The following NRXN1 variants were observed in gnomAD, a reference collection of about 807,000 sequenced individuals.
NRXN1 encodes neurexin 1.
A neutral mutation model predicts 150.9 loss-of-function variants in NRXN1; 39 were observed. The observed-to-expected ratio is 0.26, with a 90% CI of 0.20 to 0.34. NRXN1 has a LOEUF of 0.34. Ranked by LOEUF, NRXN1 falls within the 10% of genes least tolerant of loss-of-function variation. NRXN1 has a pLI of 1.00. For missense variants in NRXN1, 1,815 were observed against 1,949.9 expected (o/e 0.93, Z 1.30); for synonymous variants, 924 against 757.0 (o/e 1.22, Z -3.62).
At chr2:50,486,087 G>C (rs1191638636) in intron 15 of NRXN1, among the ~76,000 whole-genome samples, 3 of 152,008 alleles carry the variant, frequency 2.0e-5, no homozygotes, top group Non-Finnish European at 2.9e-5. Context: ...TCAGTACGTG[G>C]TACAAAACCT....
intron 18 of NRXN1, among the ~76,000 whole-genome samples, chr2:50,233,338 C>T (rs2065133956): frequency 6.6e-6 from 1 of 151,938 alleles, no homozygotes; most frequent in Non-Finnish European, 1.5e-5. Context: ...ACTGGGCCAC[C>T]TGACTCAAAA....
chr2:50,545,163 AG>A (rs1179530000), intron 9 of NRXN1, among the ~76,000 whole-genome samples: 1 of 152,170 alleles, frequency 6.6e-6, no homozygotes, highest in Non-Finnish European at 1.5e-5. Context: ...TCACTTAGCT[AG>A]TTTTTGAATT....
intron 17 of NRXN1, among the ~76,000 whole-genome samples, chr2:50,365,951 G>A (rs1318726572): frequency 1.3e-5 from 2 of 151,972 alleles, no homozygotes; most frequent in African/African-American, 4.8e-5. Context: ...ACGACTGCAG[G>A]TCTGTAGCCA....
At chr2:50,534,270 C>T (rs781566329) in intron 10 of NRXN1, among the ~76,000 whole-genome samples, 1 of 152,140 alleles carries the variant, frequency 6.6e-6, no homozygotes, top group Non-Finnish European at 1.5e-5. Flanking sequence ...ATAAGGTCCA[C>T]TTTGAAGGCC....
intron 18 of NRXN1, among the ~76,000 whole-genome samples, chr2:50,132,628 C>T (rs1211507099): frequency 1.3e-5 from 2 of 151,886 alleles, no homozygotes; most frequent in Non-Finnish European, 2.9e-5. Context: ...TTTAAAATGA[C>T]TTTTTTGATG....
chr2:50,006,294 C>T (rs569283215), intron 21 of NRXN1, among the ~76,000 whole-genome samples: 60 of 152,214 alleles, frequency 3.9e-4, no homozygotes, highest in Non-Finnish European at 5.1e-4. Flanking sequence ...TTAGCTATTG[C>T]TCAGCTTCTA....
chr2:50,128,992 A>G (rs962875409), intron 18 of NRXN1, among the ~76,000 whole-genome samples: 17 of 149,740 alleles, frequency 1.1e-4, no homozygotes, highest in East Asian at 5.9e-4. Flanking sequence ...TCAATAAATA[A>G]ATAAATAAAT....
rs186878859 is a variant in NRXN1 at position 50,598,031 on chromosome 2, C to T, written c.1320+21991G>A. ...GCAGGCACCTGTAATCCCAGCTACTCGGGAGGCTGAGGCAGGAGAATTGCT... is the reference window on the plus strand; with the variant it reads ...GCAGGCACCTGTAATCCCAGCTACTTGGGAGGCTGAGGCAGGAGAATTGCT... On this transcript the variant is annotated intron_variant, in intron 8 of 22. Transcript: ENST00000401669. Among the ~76,000 whole-genome samples the T allele has an allele frequency of 2.1e-3, 321 of 151,918 alleles. 1 individual carries two copies. Among genetic ancestry groups the T allele is most frequent in the South Asian group, 7.3e-3 (35 of 4,814 alleles).
intron 17 of NRXN1, among the ~76,000 whole-genome samples, chr2:50,458,638 G>A (rs1486619828): frequency 6.7e-6 from 1 of 150,328 alleles, no homozygotes; most frequent in Non-Finnish European, 1.5e-5. Flanking sequence ...GGAGTGCAAT[G>A]GCACAATCTT....
At chr2:50,927,858 G>C (rs764585914) in intron 2 of NRXN1, among the ~76,000 whole-genome samples, 1 of 151,810 alleles carries the variant, frequency 6.6e-6, no homozygotes, top group Non-Finnish European at 1.5e-5. Context: ...TTTTGGTAAA[G>C]TGTGGCCTAA....
chr2:50,182,638 AACCT>A, intron 18 of NRXN1, among the ~76,000 whole-genome samples: 1 of 152,128 alleles, frequency 6.6e-6, no homozygotes, highest in Admixed American at 6.6e-5. Flanking sequence ...GTTGTCTTAA[AACCT>A]GCTCATTCCT....
At chr2:50,481,790 G>T (rs558353253) in intron 15 of NRXN1, among the ~76,000 whole-genome samples, 13 of 60,642 alleles carry the variant, frequency 2.1e-4, no homozygotes, top group Middle Eastern at 0.014. Flanking sequence ...TTTTGAGACG[G>T]AGTCTCGCTC....
intron 21 of NRXN1, among the ~76,000 whole-genome samples, chr2:49,967,984 C>T (rs1205682256): frequency 6.6e-6 from 1 of 151,926 alleles, no homozygotes; most frequent in Non-Finnish European, 1.5e-5. Context: ...TTTTAAGCTG[C>T]TTACTGAGAA....
At chr2:50,887,616 C>A (rs1227673538) in intron 5 of NRXN1, among the ~76,000 whole-genome samples, 2 of 151,426 alleles carry the variant, frequency 1.3e-5, no homozygotes, top group African/African-American at 4.8e-5. Context: ...GTCTATGAGT[C>A]AAAATGATGA....
At chr2:50,511,265 C>T (rs536475836) in intron 12 of NRXN1, among the ~76,000 whole-genome samples, 3 of 152,154 alleles carry the variant, frequency 2.0e-5, no homozygotes, top group East Asian at 1.9e-4. Flanking sequence ...TCACCATGTT[C>T]GAGGCCAGTC....
intron 5 of NRXN1, among the ~76,000 whole-genome samples, chr2:50,835,673 A>G (rs2105906299): frequency 6.6e-6 from 1 of 152,336 alleles, no homozygotes; most frequent in Non-Finnish European, 1.5e-5. Flanking sequence ...ATGAATAATA[A>G]TTCTTCAAAA....
intron 17 of NRXN1, among the ~76,000 whole-genome samples, chr2:50,380,297 CGT>C (rs368834622): frequency 2.8e-5 from 4 of 144,170 alleles, no homozygotes; most frequent in Non-Finnish European, 4.5e-5. Flanking sequence ...TGTGTGTGTG[CGT>C]GTGTGTGTGT....
At chr2:50,516,863 G>T (rs2092646439) in intron 12 of NRXN1, among the ~76,000 whole-genome samples, 1 of 152,028 alleles carries the variant, frequency 6.6e-6, no homozygotes, top group Non-Finnish European at 1.5e-5. Flanking sequence ...TTGACTAAAT[G>T]ATATAAAGTC....
At chr2:50,362,212 C>G (rs1215101545) in intron 17 of NRXN1, among the ~76,000 whole-genome samples, 4 of 152,100 alleles carry the variant, frequency 2.6e-5, no homozygotes, top group South Asian at 2.1e-4. Flanking sequence ...CCCTCTATCA[C>G]CACTCCTATT....
Sources: gnomAD v4.1 joint callset for allele counts (sites outside exome capture counted in the v4.1 genomes callset) on GRCh38, gnomAD v4.1.1 for gene constraint, MANE v1.5 for transcripts, NCBI Gene and HGNC (gene_info 2026-07-23, HGNC 2026-07-21) for gene names.